The following LAMB4 variants were observed in gnomAD, a reference collection of about 807,000 sequenced individuals.
The protein encoded by LAMB4 is laminin subunit beta-4.
In LAMB4, 196 loss-of-function variants were observed where a neutral mutation model predicts 199.2. That is an observed-to-expected ratio of 0.98 (90% confidence interval 0.88 to 1.11). The LOEUF (loss-of-function observed/expected upper bound fraction) is 1.11, where lower values mean the gene tolerates loss of function less well. LAMB4 is among the 50% of genes least tolerant of loss of function. LAMB4 has a pLI of 0.00. For missense variants in LAMB4, 2,080 were observed against 2,171.2 expected, an observed-to-expected ratio of 0.96 and a Z score of 0.83; for synonymous variants, 744 against 770.6, an observed-to-expected ratio of 0.97 and a Z score of 0.57.
rs140753851 is a variant in LAMB4 at position 108,057,896 on chromosome 7, G to A, written c.3315C>T (p.Tyr1105=). ...LTGQCPCKLG[Y]GGKRCSECQE... The stretch of plus-strand genomic sequence containing the variant: ...GGCACTCACTGCAACGTTTCCCGCC[G>A]TAACCTAATTTACACGGACACTGGC... Residue 1105 remains tyrosine, a synonymous_variant, in exon 24 of 34, where the codon TAC becomes TAT. Transcript: ENST00000388781. The A allele has an allele frequency of 7.2e-5, 116 of 1,613,772 alleles. No homozygotes were observed. Among genetic ancestry groups the A allele is most frequent in the African/African-American group, 2.4e-4 (18 of 75,024 alleles).
intron 10 of LAMB4, among the ~76,000 whole-genome samples, chr7:108,102,749 A>C (rs2037857615): frequency 6.6e-6 from 1 of 152,150 alleles, no homozygotes; most frequent in Admixed American, 6.5e-5. Flanking sequence ...TGTTTTAGCC[A>C]ATTTTACCAC....
At chr7:108,120,905 T>C (rs1316743960) in intron 2 of LAMB4, among the ~76,000 whole-genome samples, 3 of 152,234 alleles carry the variant, frequency 2.0e-5, no homozygotes. Context: ...AGAAAATATA[T>C]TCCAGGACTT....
Position 108,084,250 on chromosome 7 carries a change from T to C in LAMB4, c.1702-4464A>G, listed in dbSNP as rs778727186. On this transcript the variant is annotated intron_variant, in intron 14 of 33. Coordinates refer to ENST00000388781, the MANE Select transcript of LAMB4 (RefSeq NM_007356.3). ...CAGAGGCTGTAGTTTGTCTCACTAG[T>C]GTCATTTTGTAAATTTCCTCAGGAA... Among the ~76,000 whole-genome samples, 22 of 152,336 alleles carry C rather than the reference T, an allele frequency of 1.4e-4. 1 individual carries two copies. Among genetic ancestry groups the C allele is most frequent in the Admixed American group, 4.6e-4 (7 of 15,298 alleles).
chr7:108,102,784 C>G (rs1462725893), intron 10 of LAMB4, among the ~76,000 whole-genome samples: 1 of 152,212 alleles, frequency 6.6e-6, no homozygotes, highest in African/African-American at 2.4e-5. Context: ...CAGCAGGCTT[C>G]CATGATACTC....
At chr7:108,044,175 T>G (rs189422854) in intron 28 of LAMB4, 42 of 267,688 alleles carry the variant, frequency 1.6e-4, no homozygotes, top group African/African-American at 9.2e-4. Context: ...AACACAAATT[T>G]TGTTTTAATG....
At chr7:108,072,211 A>T (rs1474415753) in intron 17 of LAMB4, among the ~76,000 whole-genome samples, 2 of 152,004 alleles carry the variant, frequency 1.3e-5, no homozygotes, top group East Asian at 3.9e-4. Context: ...CGAGAGCCTA[A>T]CTCTATGTTT....
intron 1 of LAMB4, among the ~76,000 whole-genome samples, chr7:108,126,721 C>T (rs1276224356): frequency 1.3e-5 from 2 of 148,646 alleles, no homozygotes; most frequent in Admixed American, 6.6e-5. Flanking sequence ...CCCGCCACCG[C>T]GCCCGACTAA....
At chr7:108,047,546 C>T (rs2035669555) in intron 28 of LAMB4, among the ~76,000 whole-genome samples, 1 of 151,888 alleles carries the variant, frequency 6.6e-6, no homozygotes, top group African/African-American at 2.4e-5. Context: ...TGTTAATTGA[C>T]TGTTTAAGTT....
chr7:108,055,753 C>G lies in LAMB4; in HGVS notation c.3634G>C (p.Val1212Leu), dbSNP rs762154862. The change falls in exon 25 of 34, where the codon GTC becomes CTC. Residue 1212 changes from valine (V) to leucine (L), a missense_variant. Physicochemically the swap from Val to Leu is conservative, Grantham distance 32 (BLOSUM62 1). Coordinates refer to ENST00000388781, the MANE Select transcript of LAMB4 (RefSeq NM_007356.3). ...AGGTCTTTGAAGTCTGCCTCACAGA[C>G]AGGCAGGGTCTCTCTTTTATCTTCC... The part of the protein sequence containing the change: ...NMEDKRETLP[V>L]CEADFKDLRG... 3 of 1,614,192 alleles carry G rather than the reference C, an allele frequency of 1.9e-6. No homozygotes were observed. The highest frequency in any genetic ancestry group is 2.2e-5 in the East Asian group (1 of 44,888).
intron 15 of LAMB4, 34 bp downstream of exon 15, chr7:108,079,567 T>A (rs1482090586): frequency 1.3e-6 from 2 of 1,531,428 alleles, no homozygotes; most frequent in Non-Finnish European, 1.8e-6. Flanking sequence ...TTCTGTCAGC[T>A]TTTCACCACC....
At chr7:108,083,446 C>T (rs965170543) in intron 14 of LAMB4, among the ~76,000 whole-genome samples, 7 of 152,254 alleles carry the variant, frequency 4.6e-5, no homozygotes, top group African/African-American at 1.2e-4. Flanking sequence ...TTCTGAGGGC[C>T]GATTCACCAA....
At chr7:108,074,246 C>T (rs186036457) in intron 17 of LAMB4, among the ~76,000 whole-genome samples, 22 of 152,274 alleles carry the variant, frequency 1.4e-4, no homozygotes, top group Admixed American at 1.1e-3. Flanking sequence ...GGGCCTCTTC[C>T]GAGATTTCTG....
chr7:108,126,689 C>T (rs2038798455), intron 1 of LAMB4, among the ~76,000 whole-genome samples: 1 of 149,278 alleles, frequency 6.7e-6, no homozygotes, highest in Admixed American at 6.7e-5. Context: ...CTCAGCCTCC[C>T]GAGTAGCTGG....
rs778312584 is a variant in LAMB4 at position 108,065,748 on chromosome 7, A to C, written c.2836+14T>G. The C allele has an allele frequency of 6.2e-7, 1 of 1,607,612 alleles. No individual in the cohort carries two copies. Among genetic ancestry groups the C allele is most frequent in the Non-Finnish European group, 8.5e-7 (1 of 1,175,688 alleles). ...ATAAAGAGAAAAAATTGCATCAAGC[A>C]CTATACTGCATACCCGTATAACCTT... On this transcript the variant is annotated intron_variant, in intron 21 of 33. Transcript: ENST00000388781.
Position 108,116,091 on chromosome 7 carries a change from G to T in LAMB4, c.105C>A (p.Leu35=), listed in dbSNP as rs757835315. ...RGACHPTTGD[L]LVGRNTQLMA... ...TAAGCTGCGTGTTCCTGCCCACCAG[G>T]AGATCACCAGTGGTGGGATGACAGG... The change falls in exon 3 of 34, where the codon CTC becomes CTA. Residue 35 remains leucine (L), a synonymous_variant. Transcript: ENST00000388781. The T allele has an allele frequency of 6.2e-7, 1 of 1,613,840 alleles. No individual in the cohort carries two copies. The highest frequency in any genetic ancestry group is 8.5e-7 in the Non-Finnish European group (1 of 1,179,868).
intron 23 of LAMB4, among the ~76,000 whole-genome samples, chr7:108,062,219 T>C (rs1017914587): frequency 1.3e-5 from 2 of 152,220 alleles, no homozygotes; most frequent in Non-Finnish European, 2.9e-5. Flanking sequence ...CGTGCATCTA[T>C]CTATGTAGTA....
At chr7:108,075,576 T>C (rs2036669396) in intron 17 of LAMB4, 1 of 152,236 alleles carries the variant, frequency 6.6e-6, no homozygotes, top group African/African-American at 2.4e-5. Context: ...ATCCATGAAA[T>C]TACTTTTTAA....
chr7:108,087,673 A>C (rs2037236229), intron 14 of LAMB4, among the ~76,000 whole-genome samples: 1 of 152,128 alleles, frequency 6.6e-6, no homozygotes, highest in Non-Finnish European at 1.5e-5. Context: ...TACAGCACCA[A>C]CCCAGAGCCA....
intron 23 of LAMB4, among the ~76,000 whole-genome samples, chr7:108,060,833 A>G (rs2036134768): frequency 6.6e-6 from 1 of 152,238 alleles, no homozygotes; most frequent in African/African-American, 2.4e-5. Context: ...TGATTTGTGG[A>G]GATACTCTGT....
Sources: gnomAD v4.1 joint callset for allele counts (sites outside exome capture counted in the v4.1 genomes callset) on GRCh38, gnomAD v4.1.1 for gene constraint, MANE v1.5 for transcripts, NCBI Gene and HGNC (gene_info 2026-07-23, HGNC 2026-07-21) for gene names.